Variants in RAPGEF6 observed in about 807,000 individuals in gnomAD.
RAPGEF6 encodes Rap guanine nucleotide exchange factor 6, also known as PDZ domain containing guanine nucleotide exchange factor (GEF) 2.
RAPGEF6 carries 56 observed loss-of-function variants against 171.4 expected under a neutral mutation model. The observed-to-expected ratio is 0.33, with a 90% confidence interval of 0.26 to 0.41. RAPGEF6 has a LOEUF of 0.41. Ranked by LOEUF, RAPGEF6 falls within the 10% of genes least tolerant of loss-of-function variation. RAPGEF6 has a pLI of 1.00. For synonymous variants in RAPGEF6, 692 were observed against 650.1 expected (o/e 1.06, Z -0.98); for missense variants, 1,674 against 1,921.4 (o/e 0.87, Z 2.41).
intron 6 of RAPGEF6, among the ~76,000 whole-genome samples, chr5:131,545,069 C>T (rs1271765784): frequency 6.6e-6 from 1 of 151,938 alleles, no homozygotes; most frequent in South Asian, 2.1e-4. Flanking sequence ...AAAATTGTTG[C>T]AAACTCAGAG....
chr5:131,579,765 C>CA (rs1242287738), intron 4 of RAPGEF6, among the ~76,000 whole-genome samples: 1 of 152,224 alleles, frequency 6.6e-6, no homozygotes, highest in Non-Finnish European at 1.5e-5. Context: ...TAGCTAGACA[C>CA]AGAGTGCTGA....
At chr5:131,541,162 C>G (rs1760112971) in intron 6 of RAPGEF6, among the ~76,000 whole-genome samples, 1 of 152,164 alleles carries the variant, frequency 6.6e-6, no homozygotes, top group Non-Finnish European at 1.5e-5. Flanking sequence ...CAAGTACTAT[C>G]CTATGGGACC....
At chr5:131,436,260 G>A in intron 24 of RAPGEF6, 1 of 1,537,472 alleles carries the variant, frequency 6.5e-7, no homozygotes, top group Non-Finnish European at 8.7e-7. Flanking sequence ...TCTCAGTACT[G>A]TCTGTTCTTT....
intron 15 of RAPGEF6, among the ~76,000 whole-genome samples, chr5:131,481,634 C>T (rs921269488): frequency 1.3e-5 from 2 of 152,178 alleles, no homozygotes; most frequent in African/African-American, 2.4e-5. Flanking sequence ...ATCTATTTGC[C>T]TACACCAAAT....
chr5:131,510,550 T>C (rs1442064446), intron 7 of RAPGEF6, 59 bp from the exon 8 acceptor site: 4 of 1,515,560 alleles, frequency 2.6e-6, no homozygotes, highest in Non-Finnish European at 3.6e-6. Context: ...TAAGTCACAG[T>C]CTGAATTAAT....
chr5:131,532,827 G>A (rs1281916022), intron 6 of RAPGEF6: 1 of 152,552 alleles, frequency 6.6e-6, no homozygotes, highest in Non-Finnish European at 1.5e-5. Context: ...TTATTCTAAT[G>A]TATCAGTAAA....
chr5:131,491,025 T>C (rs549479470), intron 14 of RAPGEF6, among the ~76,000 whole-genome samples: 1 of 152,310 alleles, frequency 6.6e-6, no homozygotes, highest in African/African-American at 2.4e-5. Context: ...AGTAAAAGCA[T>C]GATAAATTTC....
chr5:131,624,191 G>A (rs1354640621), intron 1 of RAPGEF6, among the ~76,000 whole-genome samples: 2 of 152,128 alleles, frequency 1.3e-5, no homozygotes, highest in Non-Finnish European at 2.9e-5. Flanking sequence ...GTCCACACAA[G>A]AATCCCAAAA....
In RAPGEF6 at chr5:131,568,883, C is replaced by A. The variant is rs1370255147; in HGVS notation, c.282-6836G>T. On this transcript the variant is annotated intron_variant, in intron 4 of 27. Coordinates refer to ENST00000509018, the MANE Select transcript of RAPGEF6 (RefSeq NM_016340.6). ...TACTAGATCTAATAAAAGATTATAT[C>A]AAGGTCACAGGATATAAGATCAATA... 2.0e-5 allele frequency among the ~76,000 whole-genome samples: 3 copies of A among 151,972 alleles called. No individual in the cohort carries two copies. In the East Asian group the frequency reaches 5.8e-4, roughly 29 times the overall value.
chr5:131,497,637 AGG>A (rs1329877200), intron 12 of RAPGEF6, among the ~76,000 whole-genome samples: 1 of 152,220 alleles, frequency 6.6e-6, no homozygotes, highest in Non-Finnish European at 1.5e-5. Flanking sequence ...TTGGCAACCA[AGG>A]TAAATATATT....
intron 21 of RAPGEF6, among the ~76,000 whole-genome samples, chr5:131,449,855 G>A (rs1752947292): frequency 6.6e-6 from 1 of 152,170 alleles, no homozygotes; most frequent in South Asian, 2.1e-4. Flanking sequence ...AAAATAGCTA[G>A]TTCTATCACT....
At chr5:131,569,194 A>C (rs1762127102) in intron 4 of RAPGEF6, among the ~76,000 whole-genome samples, 1 of 152,182 alleles carries the variant, frequency 6.6e-6, no homozygotes, top group Non-Finnish European at 1.5e-5. Context: ...CAAAACCCCA[A>C]CAGGCTTTAC....
rs779290960 is a variant in RAPGEF6 at position 131,442,547 on chromosome 5, G to A, written c.3422-10C>T. ...CTTAAATTCTTGGTCACTAACAGGAGAGAGTAAGAAATAAGTAACTGCACG... is the reference window on the plus strand; with the variant it reads ...CTTAAATTCTTGGTCACTAACAGGAAAGAGTAAGAAATAAGTAACTGCACG... On this transcript the variant is annotated splice_polypyrimidine_tract_variant and intron_variant, in intron 22 of 27. Transcript: ENST00000509018. 7 of 1,613,054 alleles carry A rather than the reference G, an allele frequency of 4.3e-6. No individual in the cohort carries two copies. The African/African-American group carries it at 8.0e-5, about 18-fold the overall frequency.
intron 19 of RAPGEF6, among the ~76,000 whole-genome samples, chr5:131,456,849 G>T (rs1489547747): frequency 4.6e-5 from 7 of 152,084 alleles, no homozygotes; most frequent in African/African-American, 1.7e-4. Context: ...CTGTAAGAAG[G>T]ATGAGTAACC....
chr5:131,558,043 C>T (rs1035232085), intron 5 of RAPGEF6, among the ~76,000 whole-genome samples: 12 of 152,158 alleles, frequency 7.9e-5, no homozygotes, highest in African/African-American at 2.9e-4. Context: ...TAAAGTTTTT[C>T]TATTTCCTAT....
At chr5:131,438,233 G>A (rs969695473) in intron 24 of RAPGEF6, among the ~76,000 whole-genome samples, 3 of 152,128 alleles carry the variant, frequency 2.0e-5, no homozygotes, top group South Asian at 2.1e-4. Context: ...CAGGCGATCC[G>A]CCTGCTTTGG....
intron 5 of RAPGEF6, among the ~76,000 whole-genome samples, chr5:131,556,772 C>G (rs1357721539): frequency 6.6e-6 from 1 of 152,088 alleles, no homozygotes; most frequent in Non-Finnish European, 1.5e-5. Flanking sequence ...AAACACTATA[C>G]TTGATGGCAT....
chr5:131,431,478 G>T, intron 25 of RAPGEF6, 129 bp from the exon 26 acceptor site: 1 of 963,552 alleles, frequency 1.0e-6, no homozygotes, highest in Non-Finnish European at 1.5e-6. Flanking sequence ...ATAACATCGT[G>T]AGGAAAACAA....
chr5:131,441,299 A>T (rs1752368422), intron 23 of RAPGEF6, among the ~76,000 whole-genome samples: 1 of 152,208 alleles, frequency 6.6e-6, no homozygotes, highest in Admixed American at 6.5e-5. Context: ...GTAAAGCACA[A>T]TTTGAACCAT....
Sources: gnomAD v4.1 joint callset for allele counts (sites outside exome capture counted in the v4.1 genomes callset) on GRCh38, gnomAD v4.1.1 for gene constraint, MANE v1.5 for transcripts, NCBI Gene and HGNC (gene_info 2026-07-23, HGNC 2026-07-21) for gene names.